Variants in PIP5K1B observed in about 807,000 individuals in gnomAD.
The protein encoded by PIP5K1B is phosphatidylinositol 4-phosphate 5-kinase type-1 beta.
PIP5K1B carries 42 observed loss-of-function variants against 67.0 expected under a neutral mutation model. The ratio of observed to expected loss-of-function variants is 0.63; its 90% confidence interval spans 0.49 to 0.81. The LOEUF is 0.81. PIP5K1B is among the 30% of genes least tolerant of loss of function. The probability of loss-of-function intolerance (pLI) is 0.00; values close to 1 mark genes in which losing one functional copy is unlikely to be tolerated. For missense variants in PIP5K1B, 459 were observed against 646.3 expected (o/e 0.71, Z 3.14); for synonymous variants, 214 against 231.4 (o/e 0.92, Z 0.68).
chr9:68,967,946 C>T (rs373408439), intron 14 of PIP5K1B, among the ~76,000 whole-genome samples: 74 of 9,548 alleles, frequency 7.8e-3, no homozygotes, highest in Non-Finnish European at 0.014. Flanking sequence ...AGAAGGATTG[C>T]TCCCCAAAAC....
intron 3 of PIP5K1B, among the ~76,000 whole-genome samples, chr9:68,821,790 C>G (rs1346944016): frequency 1.3e-5 from 2 of 152,130 alleles, no homozygotes; most frequent in African/African-American, 4.8e-5. Flanking sequence ...TTTGCAGGAG[C>G]AAAACTCTTT....
intron 4 of PIP5K1B, among the ~76,000 whole-genome samples, chr9:68,852,147 T>C (rs1224257564): frequency 2.0e-5 from 3 of 151,984 alleles, no homozygotes; most frequent in African/African-American, 7.3e-5. Flanking sequence ...GGTTGATAGG[T>C]GTAGCAAACC....
chr9:68,979,359 C>T (rs1407075936), intron 14 of PIP5K1B, among the ~76,000 whole-genome samples: 1 of 152,216 alleles, frequency 6.6e-6, no homozygotes, highest in Admixed American at 6.5e-5. Context: ...ACAGTCATCA[C>T]AGTATAAACA....
chr9:68,963,260 T>C, intron 14 of PIP5K1B: 1 of 455,368 alleles, frequency 2.2e-6, no homozygotes, highest in Non-Finnish European at 4.4e-6. Context: ...CCCAGCACTT[T>C]GCGAGGCCGA....
chr9:68,911,606 T>C (rs930555165), intron 8 of PIP5K1B, among the ~76,000 whole-genome samples: 6 of 151,044 alleles, frequency 4.0e-5, no homozygotes, highest in Non-Finnish European at 7.4e-5. Context: ...TGTGTAGACA[T>C]TTAGATGGTC....
intron 14 of PIP5K1B, among the ~76,000 whole-genome samples, chr9:68,977,818 C>A (rs1389225281): frequency 2.0e-5 from 3 of 151,792 alleles, no homozygotes; most frequent in South Asian, 2.1e-4. Context: ...CCACACCCAG[C>A]TAATTTTTTG....
intron 4 of PIP5K1B, among the ~76,000 whole-genome samples, chr9:68,858,404 G>A (rs1387649992): frequency 6.6e-6 from 1 of 152,164 alleles, no homozygotes; most frequent in Non-Finnish European, 1.5e-5. Flanking sequence ...GATCTTCTCA[G>A]AAACAGAGAA....
At chr9:68,768,411 G>C (rs1830533741) in intron 2 of PIP5K1B, among the ~76,000 whole-genome samples, 1 of 152,204 alleles carries the variant, frequency 6.6e-6, no homozygotes, top group Non-Finnish European at 1.5e-5. Flanking sequence ...CATGTAGCCA[G>C]AGACAGAAGT....
intron 4 of PIP5K1B, among the ~76,000 whole-genome samples, chr9:68,833,951 A>C (rs1319813213): frequency 6.6e-6 from 1 of 152,248 alleles, no homozygotes; most frequent in African/African-American, 2.4e-5. Flanking sequence ...TCTGGGGCTC[A>C]GCTTCAATTT....
intron 8 of PIP5K1B, among the ~76,000 whole-genome samples, chr9:68,914,342 T>C (rs1825989140): frequency 6.6e-6 from 1 of 152,162 alleles, no homozygotes; most frequent in Non-Finnish European, 1.5e-5. Context: ...AGAGTCTTCT[T>C]AGGACCTGCT....
chr9:68,886,235 T>C (rs7045163), intron 6 of PIP5K1B, among the ~76,000 whole-genome samples: 141,675 of 152,254 alleles, frequency 0.93, 66,037 homozygotes, highest in Admixed American at 0.96. Context: ...CTGCTTCTGC[T>C]AGGCTGGGTC....
intron 15 of PIP5K1B, among the ~76,000 whole-genome samples, chr9:68,992,481 TTCTCA>T (rs1215618832): frequency 6.6e-6 from 1 of 152,020 alleles, no homozygotes; most frequent in African/African-American, 2.4e-5. Flanking sequence ...GCACTGTAAT[TTCTCA>T]CAAGTGCTCT....
chr9:68,879,752 A>G (rs1824078255), intron 6 of PIP5K1B, among the ~76,000 whole-genome samples: 1 of 152,174 alleles, frequency 6.6e-6, no homozygotes, highest in Non-Finnish European at 1.5e-5. Flanking sequence ...TTATTTGATC[A>G]TTACACATTG....
intron 5 of PIP5K1B, among the ~76,000 whole-genome samples, chr9:68,866,190 G>T (rs1478630752): frequency 6.6e-6 from 1 of 151,914 alleles, no homozygotes; most frequent in African/African-American, 2.4e-5. Flanking sequence ...CAACTCAGGA[G>T]GAGGCTGAGG....
chr9:68,749,892 C>A (rs578170696), intron 2 of PIP5K1B, among the ~76,000 whole-genome samples: 1 of 152,296 alleles, frequency 6.6e-6, no homozygotes, highest in East Asian at 1.9e-4. Flanking sequence ...TTGAGAAACA[C>A]CAAGGTAGAG....
intron 2 of PIP5K1B, among the ~76,000 whole-genome samples, chr9:68,796,776 A>G (rs984704810): frequency 1.4e-4 from 22 of 152,328 alleles, no homozygotes; most frequent in African/African-American, 4.8e-4. Flanking sequence ...CCAGAGTTAG[A>G]TATCTATCCC....
intron 14 of PIP5K1B, among the ~76,000 whole-genome samples, chr9:68,988,267 T>TA (rs1026689026): frequency 1.8e-4 from 27 of 151,122 alleles, no homozygotes; most frequent in African/African-American, 3.6e-4. Flanking sequence ...AATTAAAGTT[T>TA]AAAAAAAAAT....
At chr9:68,893,209 T>C (rs566733072) in intron 7 of PIP5K1B, among the ~76,000 whole-genome samples, 2 of 152,298 alleles carry the variant, frequency 1.3e-5, no homozygotes, top group Admixed American at 1.3e-4. Context: ...ATGTTGAGAA[T>C]TGGGGGAAGA....
chr9:68,853,263 G>T (rs1413957758), intron 4 of PIP5K1B, among the ~76,000 whole-genome samples: 2 of 152,146 alleles, frequency 1.3e-5, no homozygotes, highest in African/African-American at 4.8e-5. Context: ...CCAAGTTCAG[G>T]TGCCAGCCTG....
Sources: allele counts gnomAD v4.1 joint callset (sites outside exome capture counted in the v4.1 genomes callset), GRCh38; gene constraint gnomAD v4.1.1; transcripts MANE v1.5; gene names NCBI Gene and HGNC (gene_info 2026-07-23, HGNC 2026-07-21).